The following ZFP90 variants were observed in gnomAD, a reference collection of about 807,000 sequenced individuals.
ZFP90 encodes the protein zinc finger protein 90 homolog.
Under a neutral mutation model 60.8 loss-of-function variants are expected in ZFP90, and 38 were observed. That is an observed-to-expected ratio of 0.62 (90% confidence interval 0.48 to 0.82). ZFP90 has a LOEUF of 0.82. ZFP90 is among the 40% of genes least tolerant of loss of function. The pLI is 0.00. For missense variants in ZFP90, 711 were observed against 759.1 expected (o/e 0.94, Z 0.74); for synonymous variants, 287 against 264.8 (o/e 1.08, Z -0.82).
chr16:68,552,447 G>T (rs2091278258), intron 2 of ZFP90, among the ~76,000 whole-genome samples: 1 of 152,178 alleles, frequency 6.6e-6, no homozygotes, highest in African/African-American at 2.4e-5. Flanking sequence ...GCTGGGATGG[G>T]AGGGGGACAC....
At position 68,563,951 on chromosome 16, in the gene ZFP90, T is replaced by C; in HGVS notation, c.1164T>C (p.His388=). 2.5e-6 allele frequency: 4 copies of C among 1,614,100 alleles called. No individual in the cohort carries two copies. Among genetic ancestry groups the C allele is most frequent in the Non-Finnish European group, 3.4e-6 (4 of 1,180,010 alleles). The change falls in exon 5 of 5, where the codon CAT becomes CAC. Residue 388 remains histidine (H), a synonymous_variant. Transcript: ENST00000563169. ...CSSLVQHERT[H]TGEKPFECSI... ...CCCTTGTCCAACATGAGAGGACTCA[T>C]ACTGGAGAGAAACCTTTTGAATGTA...
chr16:68,574,944 T>TAAAAAAAAAA (rs2091586351), intron 2 of ZFP90, among the ~76,000 whole-genome samples: 2 of 69,986 alleles, frequency 2.9e-5, no homozygotes, highest in African/African-American at 1.1e-4. Context: ...AAAAAAAAAG[T>TAAAAAAAAAA]GGAAAAAAAA....
chr16:68,563,605 A>G lies in ZFP90; in HGVS notation c.818A>G (p.Gln273Arg). 6.2e-7 allele frequency: 1 copy of G among 1,614,242 alleles called. No individual in the cohort carries two copies. The highest frequency in any genetic ancestry group is 8.5e-7 in the Non-Finnish European group (1 of 1,180,036). ...TGGAAGACACAGCTTACTGAGCATC[A>G]GAGAATTCACACTGGGGAGAAACCC... Reference protein sequence around the residue: ...FLWKTQLTEHQRIHTGEKPFE... With the variant: ...FLWKTQLTEHRRIHTGEKPFE... Residue 273 changes from glutamine to arginine, a missense_variant, in exon 5 of 5, where the codon CAG becomes CGG. This residue lies in a region of ZFP90 where 146 missense variants were observed against 201.4 expected (regional missense o/e 0.73). Coordinates refer to ENST00000563169, the MANE Select transcript of ZFP90 (RefSeq NM_001305203.2).
chr16:68,566,222 G>A lies in ZFP90; in HGVS notation c.*1524G>A, dbSNP rs1234511837. 9 of 985,470 alleles carry A rather than the reference G, an allele frequency of 9.1e-6. No individual in the cohort carries two copies. Among genetic ancestry groups the A allele is most frequent in the Non-Finnish European group, 1.1e-5 (9 of 829,972 alleles). The allele number at this position is 985,470 out of a possible 1,614,324, so 61.0% of individuals were successfully genotyped here. ...TGCTCCATCCCCTAATGACTCCCAT[G>A]GGCTATCCTAAAGGAACTTCCAGAA... On this transcript the variant is annotated 3_prime_UTR_variant, in exon 5 of 5. Transcript: ENST00000563169.
chr16:68,550,063 C>T (rs983026167), intron 2 of ZFP90, among the ~76,000 whole-genome samples: 1 of 152,024 alleles, frequency 6.6e-6, no homozygotes, highest in Non-Finnish European at 1.5e-5. Flanking sequence ...AATACACATT[C>T]CATGTGTAAT....
rs993492616 is a variant in ZFP90 at position 68,565,836 on chromosome 16, T to A, written c.*1138T>A. On this transcript the variant is annotated 3_prime_UTR_variant, in exon 5 of 5. Coordinates refer to ENST00000563169, the MANE Select transcript of ZFP90 (RefSeq NM_001305203.2). Reference sequence around the variant, plus strand: ...AGAAAAGATTTCACCATTAAAAAAATTAACTTGGCTAGGTATGGTGTCTCA... The same window carrying A: ...AGAAAAGATTTCACCATTAAAAAAAATAACTTGGCTAGGTATGGTGTCTCA... 1 of 985,170 alleles carries A rather than the reference T, an allele frequency of 1.0e-6. No homozygotes were observed. Among genetic ancestry groups the A allele is most frequent in the African/African-American group, 1.7e-5 (1 of 57,174 alleles). The allele number at this position is 985,170 out of a possible 1,614,324, so 61.0% of individuals were successfully genotyped here. A position where few individuals can be genotyped will look rare whatever the true frequency, so the allele number is the denominator to read the frequency against.
chr16:68,560,459 C>CT (rs1475914470), intron 4 of ZFP90, among the ~76,000 whole-genome samples: 2 of 152,124 alleles, frequency 1.3e-5, no homozygotes, highest in Admixed American at 6.5e-5. Context: ...GTACATCATT[C>CT]TTTTTTACCA....
intron 2 of ZFP90, among the ~76,000 whole-genome samples, chr16:68,541,252 G>A (rs576026728): frequency 6.6e-6 from 1 of 152,138 alleles, no homozygotes; most frequent in African/African-American, 2.4e-5. Context: ...TGGCCAGTCT[G>A]GTCTCGAACT....
At chr16:68,575,535 C>A (rs377304616) in intron 2 of ZFP90, among the ~76,000 whole-genome samples, 809 of 82,188 alleles carry the variant, frequency 9.8e-3, no homozygotes, top group South Asian at 0.017. Context: ...TGTGAGTATG[C>A]AAAAAAAAAA....
At position 68,564,662 on chromosome 16, in the gene ZFP90, TA is replaced by T; in HGVS notation, c.1878del (p.Lys626AsnfsTer25). On this transcript the variant is annotated frameshift_variant, in exon 5 of 5. Transcript: ENST00000563169. LOFTEE classifies it high-confidence loss of function. ...ACTTCAGCCGAAGTTCAGCTCTTAC[TA>T]AACACCAGAGAATTCATACTCGAAA... ...KNFSRSSALT[K>X]HQRIHTRNKL The T allele has an allele frequency of 1.9e-6, 3 of 1,612,882 alleles. No homozygotes were observed. The highest frequency in any genetic ancestry group is 2.5e-6 in the Non-Finnish European group (3 of 1,179,668).
At chr16:68,556,097 G>A (rs1052672171) in intron 2 of ZFP90, among the ~76,000 whole-genome samples, 14 of 152,290 alleles carry the variant, frequency 9.2e-5, no homozygotes, top group Non-Finnish European at 2.1e-4. Flanking sequence ...TTGAGCTCAG[G>A]CAGTTGAGGC....
upstream of ZFP90, among the ~76,000 whole-genome samples, chr16:68,538,804 G>C (rs146331333): frequency 6.6e-6 from 1 of 152,098 alleles, no homozygotes; most frequent in Non-Finnish European, 1.5e-5. Flanking sequence ...CAGTAGATCT[G>C]CCTTTGCACA....
chr16:68,567,212 C>T, downstream of ZFP90: 1 of 956,604 alleles, frequency 1.0e-6, no homozygotes, highest in Non-Finnish European at 1.2e-6. Context: ...GAATTAACTG[C>T]TAAACTCATC....
chr16:68,539,675 T>A, intron 1 of ZFP90, 83 bp from the exon 2 acceptor site: 3 of 1,083,380 alleles, frequency 2.8e-6, no homozygotes, highest in Non-Finnish European at 1.3e-6. Flanking sequence ...GGAGATGTGG[T>A]TTAGGGGCGG....
rs779800014 is a variant in ZFP90, at chr16:68,566,856, C to A, written c.*2158C>A. ...CAACTGAGTGCTGCCCCCACTGTTA[C>A]GGAAGTTTATAAAACCTTAGTTCCA... is the stretch of plus-strand genomic sequence containing the variant. On this transcript the variant is annotated 3_prime_UTR_variant, in exon 5 of 5. Transcript: ENST00000563169. 1.0e-6 allele frequency: 1 copy of A among 985,468 alleles called. No individual in the cohort carries two copies. Among genetic ancestry groups the A allele is most frequent in the Non-Finnish European group, 1.2e-6 (1 of 829,858 alleles). The allele number at this position is 985,468 out of a possible 1,614,324, so 61.0% of individuals were successfully genotyped here.
chr16:68,569,135 A>C (rs867220231), downstream of ZFP90, among the ~76,000 whole-genome samples: 63 of 67,470 alleles, frequency 9.3e-4, no homozygotes, highest in Non-Finnish European at 1.3e-3. Context: ...AATTAGTCCC[A>C]CTTTTTTTTT....
chr16:68,540,450 C>G (rs1227185442), intron 2 of ZFP90, among the ~76,000 whole-genome samples: 1 of 152,182 alleles, frequency 6.6e-6, no homozygotes, highest in African/African-American at 2.4e-5. Flanking sequence ...GAAGTCCAGC[C>G]TTCACCTTAA....
intron 2 of ZFP90, among the ~76,000 whole-genome samples, chr16:68,549,753 G>T (rs2091224860): frequency 6.6e-6 from 1 of 151,778 alleles, no homozygotes; most frequent in African/African-American, 2.4e-5. Context: ...TGGAGATGGG[G>T]ACCAAATGCT....
chr16:68,539,963 G>A, intron 2 of ZFP90, 138 bp downstream of exon 2: 1 of 1,280,786 alleles, frequency 7.8e-7, no homozygotes, highest in Non-Finnish European at 1.1e-6. Flanking sequence ...CCTGGCCATG[G>A]AAAACCCCAG....
Sources: gnomAD v4.1 joint callset for allele counts (sites outside exome capture counted in the v4.1 genomes callset) on GRCh38, gnomAD v4.1.1 for gene constraint, gnomAD v4.1.1 regional missense constraint, MANE v1.5 for transcripts, NCBI Gene and HGNC (gene_info 2026-07-23, HGNC 2026-07-21) for gene names.